JPH3: variants seen among roughly 807,000 people sequenced by gnomAD.
JPH3 encodes junctophilin 3.
Under a neutral mutation model 59.6 loss-of-function variants are expected in JPH3, and 11 were observed. That is an observed-to-expected ratio of 0.18 (90% CI 0.12 to 0.31). The LOEUF (loss-of-function observed/expected upper bound fraction) is 0.31. Ranked by LOEUF, JPH3 falls within the 10% of genes least tolerant of loss-of-function variation. The probability of loss-of-function intolerance (pLI) is 1.00; values close to 1 mark genes in which losing one functional copy is unlikely to be tolerated. For missense variants in JPH3, 1,202 were observed against 1,105.7 expected (o/e 1.09, Z -1.24); for synonymous variants, 673 against 483.6 (o/e 1.39, Z -5.14).
chr16:87,690,361 G>T lies in JPH3; in HGVS notation c.2001G>T (p.Pro667=). 6.4e-7 allele frequency: 1 copy of T among 1,554,276 alleles called. No individual in the cohort carries two copies. The highest frequency in any genetic ancestry group is 8.7e-7 in the Non-Finnish European group (1 of 1,152,824). ...CCCAGAACAAGGAGAACTTCAGGCCGGCCTCCTCCGCGGAGCCCGCCGTGC... is the reference window on the plus strand; with the variant it reads ...CCCAGAACAAGGAGAACTTCAGGCCTGCCTCCTCCGCGGAGCCCGCCGTGC... The part of the protein sequence containing the change: ...SKAQNKENFR[P]ASSAEPAVQK... Residue 667 remains proline (P), a synonymous_variant, in exon 4 of 5, where the codon CCG becomes CCT. Transcript: ENST00000284262.
At position 87,605,522 on chromosome 16, in the gene JPH3, T is replaced by A. The variant is rs931156089; in HGVS notation, c.382+1994T>A. On this transcript the variant is annotated intron_variant, in intron 1 of 4. Transcript: ENST00000284262. Reference sequence around the variant, plus strand: ...AAGGAGCGGCGATTATGTTGTGACTTTTTAGGGAAGAAAGGATCTGATTCT... The same window carrying A: ...AAGGAGCGGCGATTATGTTGTGACTATTTAGGGAAGAAAGGATCTGATTCT... Among the ~76,000 whole-genome samples, 2 of 152,274 alleles carry A rather than the reference T, an allele frequency of 1.3e-5. 1 individual carries two copies.
intron 2 of JPH3, among the ~76,000 whole-genome samples, chr16:87,649,155 C>T (rs769144895): frequency 2.0e-5 from 3 of 152,272 alleles, no homozygotes; most frequent in Admixed American, 6.5e-5. Context: ...AGTGGCCCCG[C>T]GGAGCTGAGG....
chr16:87,672,516 A>G (rs1479464946), intron 2 of JPH3, among the ~76,000 whole-genome samples: 1 of 152,206 alleles, frequency 6.6e-6, no homozygotes, highest in African/African-American at 2.4e-5. Flanking sequence ...GGGTGGACAG[A>G]CTGTGGCCCC....
chr16:87,690,000 T>G lies in JPH3; in HGVS notation c.1640T>G (p.Leu547Arg), dbSNP rs1440583555. Residue 547 changes from leucine (L) to arginine (R), a missense_variant, in exon 4 of 5, where the codon CTG (leucine) becomes CGG (arginine). By Grantham distance (102) the Leu-to-Arg change is moderately radical. Transcript: ENST00000284262. ...GGSRGVRSGA[L>R]RGGLLVDDFR... is the part of the protein sequence containing the mutation. ...TCCAGGGGTGTCCGCAGCGGTGCCC[T>G]GCGCGGCGGCCTGCTCGTGGATGAC... 7 of 1,502,896 alleles carry G rather than the reference T, an allele frequency of 4.7e-6. No individual in the cohort carries two copies. Among genetic ancestry groups the G allele is most frequent in the Non-Finnish European group, 6.2e-6 (7 of 1,125,912 alleles). 93.1% of individuals were successfully genotyped at this position (1,502,896 alleles called of 1,614,324 possible). A position where few individuals can be genotyped will look rare whatever the true frequency, so the allele number is the denominator to read the frequency against.
chr16:87,628,041 C>A (rs1449514825), intron 1 of JPH3, among the ~76,000 whole-genome samples: 1 of 152,206 alleles, frequency 6.6e-6, no homozygotes, highest in Non-Finnish European at 1.5e-5. Context: ...GGAGGGACAC[C>A]CTTATGTGCT....
At chr16:87,647,576 G>C (rs900468080) in intron 2 of JPH3, among the ~76,000 whole-genome samples, 8 of 152,184 alleles carry the variant, frequency 5.3e-5, no homozygotes, top group Admixed American at 3.9e-4. Context: ...TCGCCCGAGC[G>C]GGCGTCGCGG....
intron 1 of JPH3, among the ~76,000 whole-genome samples, chr16:87,605,665 C>T (rs1427723617): frequency 6.6e-6 from 1 of 152,230 alleles, no homozygotes; most frequent in Non-Finnish European, 1.5e-5. Flanking sequence ...TCCTGCTCCC[C>T]TAAGCCCTTC....
intron 2 of JPH3, 75 bp from the exon 3 acceptor site, chr16:87,684,067 G>A: frequency 9.1e-7 from 1 of 1,098,714 alleles, no homozygotes; most frequent in Non-Finnish European, 1.4e-6. Flanking sequence ...TTGGGGGGTT[G>A]GCAGAGTACC....
intron 2 of JPH3, among the ~76,000 whole-genome samples, chr16:87,672,236 G>A (rs1295975132): frequency 1.3e-5 from 2 of 152,138 alleles, no homozygotes; most frequent in South Asian, 2.1e-4. Context: ...AAGAGACTCC[G>A]TTTCTAACAC....
At chr16:87,664,428 C>A (rs2032798950) in intron 2 of JPH3, among the ~76,000 whole-genome samples, 1 of 151,038 alleles carries the variant, frequency 6.6e-6, no homozygotes, top group Admixed American at 6.6e-5. Flanking sequence ...AGTTCGAGAC[C>A]AGCCTGGCCA....
chr16:87,661,915 C>T (rs576078749), intron 2 of JPH3, among the ~76,000 whole-genome samples: 10 of 152,370 alleles, frequency 6.6e-5, no homozygotes, highest in Non-Finnish European at 5.9e-5. Flanking sequence ...GTCCCATCTG[C>T]TGAGGGGCAC....
chr16:87,690,142 C>G lies in JPH3; in HGVS notation c.1782C>G (p.Ser594Arg). 6.3e-7 allele frequency: 1 copy of G among 1,595,740 alleles called. No individual in the cohort carries two copies. Among genetic ancestry groups the G allele is most frequent in the Non-Finnish European group, 8.5e-7 (1 of 1,171,492 alleles). ...CCCACCACCGGGCCAGCAACCACAG[C>G]CCCGGAGGCTCCAGGCTGCTGGAGC... ...WTSHHRASNH[S>R]PGGSRLLELQ... is the part of the protein sequence containing the mutation. Residue 594 changes from serine to arginine, a missense_variant, in exon 4 of 5, where the codon AGC (serine) becomes AGG (arginine). Ser to Arg is a moderately radical substitution (Grantham distance 110). Transcript: ENST00000284262.
At chr16:87,678,570 G>A (rs1030094884) in intron 2 of JPH3, among the ~76,000 whole-genome samples, 1 of 152,144 alleles carries the variant, frequency 6.6e-6, no homozygotes, top group Non-Finnish European at 1.5e-5. Flanking sequence ...ATATGTGTGT[G>A]TCTGTGTATA....
intron 2 of JPH3, among the ~76,000 whole-genome samples, chr16:87,645,711 G>GT (rs760505604): frequency 1.5e-4 from 23 of 152,302 alleles, no homozygotes; most frequent in Non-Finnish European, 2.9e-4. Flanking sequence ...ACCTTTAGGG[G>GT]TGGGTGCAGG....
intron 2 of JPH3, among the ~76,000 whole-genome samples, chr16:87,678,431 T>G (rs527720800): frequency 6.6e-6 from 1 of 151,962 alleles, no homozygotes; most frequent in East Asian, 1.9e-4. Flanking sequence ...CCCAGCTACT[T>G]GGGAGGCTGA....
rs752050073 is a variant in JPH3, at chr16:87,678,535, T to TCA, written c.1161-5592_1161-5591dup. On this transcript the variant is annotated intron_variant, in intron 2 of 4. Transcript: ENST00000284262. ...GTGTGGACAGCAGAGCCAGACTCCATCACACACACACACACAATATATATA... is the reference window on the plus strand; with the variant it reads ...GTGTGGACAGCAGAGCCAGACTCCATCACACACACACACACACAATATATATA... Among the ~76,000 whole-genome samples, 184 of 151,094 alleles carry TCA rather than the reference T, an allele frequency of 1.2e-3. 1 individual carries two copies. The highest frequency in any genetic ancestry group is 4.7e-4 in the Non-Finnish European group (32 of 67,644).
At chr16:87,684,987 G>T (rs139882970) in intron 3 of JPH3, among the ~76,000 whole-genome samples, 1 of 152,190 alleles carries the variant, frequency 6.6e-6, no homozygotes, top group African/African-American at 2.4e-5. Context: ...GGGGTTAGGA[G>T]CGCGCCCCCT....
chr16:87,641,445 G>C (rs988671764), intron 1 of JPH3, among the ~76,000 whole-genome samples: 1 of 152,204 alleles, frequency 6.6e-6, no homozygotes, highest in Non-Finnish European at 1.5e-5. Context: ...CAGAATGACC[G>C]ACCAGTGTGG....
chr16:87,664,085 A>G (rs1236736424), intron 2 of JPH3, among the ~76,000 whole-genome samples: 1 of 148,870 alleles, frequency 6.7e-6, no homozygotes, highest in African/African-American at 2.5e-5. Flanking sequence ...TAATCCCAGC[A>G]CTTTGGGAGG....
Sources: gnomAD v4.1 joint callset for allele counts (sites outside exome capture counted in the v4.1 genomes callset) on GRCh38, gnomAD v4.1.1 for gene constraint, MANE v1.5 for transcripts, NCBI Gene and HGNC (gene_info 2026-07-23, HGNC 2026-07-21) for gene names.